PELI2: variants seen among roughly 807,000 people sequenced by gnomAD.
PELI2 encodes the protein pellino E3 ubiquitin protein ligase family member 2.
PELI2 carries 23 observed loss-of-function variants against 42.3 expected under a neutral mutation model. That is an observed-to-expected ratio of 0.54 (90% CI 0.39 to 0.77). PELI2 has a LOEUF of 0.77. Among genes scored for constraint, PELI2 ranks in the 30% least tolerant of loss-of-function variants. The pLI is 0.00. For synonymous variants in PELI2, 245 were observed against 212.2 expected (o/e 1.15, Z -1.34); for missense variants, 463 against 553.2 (o/e 0.84, Z 1.64).
chr14:56,192,314 G>A (rs747761432), intron 2 of PELI2, among the ~76,000 whole-genome samples: 3 of 152,078 alleles, frequency 2.0e-5, no homozygotes, highest in Admixed American at 6.5e-5. Context: ...AAGTCGAGTC[G>A]TGTTAAACTG....
At chr14:56,222,435 C>T (rs1887171670) in intron 2 of PELI2, among the ~76,000 whole-genome samples, 1 of 152,198 alleles carries the variant, frequency 6.6e-6, no homozygotes, top group African/African-American at 2.4e-5. Context: ...AAGGTAAGAA[C>T]ATTAACATCT....
chr14:56,155,581 CAT>C (rs1884530407), intron 1 of PELI2, among the ~76,000 whole-genome samples: 1 of 127,972 alleles, frequency 7.8e-6, no homozygotes, highest in Admixed American at 8.3e-5. Context: ...TCAAGTAATA[CAT>C]TTTTTTTTTT....
chr14:56,277,265 C>T (rs1237666246), intron 2 of PELI2, among the ~76,000 whole-genome samples: 1 of 152,136 alleles, frequency 6.6e-6, no homozygotes, highest in Non-Finnish European at 1.5e-5. Flanking sequence ...CCATTGCTTG[C>T]ATTACGGGTT....
intron 2 of PELI2, among the ~76,000 whole-genome samples, chr14:56,186,976 G>A (rs1885789668): frequency 6.6e-6 from 1 of 152,078 alleles, no homozygotes; most frequent in Non-Finnish European, 1.5e-5. Context: ...AGAATCTTCT[G>A]CTGCAAATTA....
chr14:56,243,010 A>G (rs536310998), intron 2 of PELI2, among the ~76,000 whole-genome samples: 1 of 152,302 alleles, frequency 6.6e-6, no homozygotes, highest in South Asian at 2.1e-4. Flanking sequence ...AGCTGAATAA[A>G]TGTATTTCTA....
intron 2 of PELI2, among the ~76,000 whole-genome samples, chr14:56,200,381 TG>T (rs1275589909): frequency 9.9e-6 from 1 of 101,290 alleles, no homozygotes; most frequent in African/African-American, 3.0e-5. Context: ...ATGAGGCATG[TG>T]AGGCACAGAG....
intron 2 of PELI2, among the ~76,000 whole-genome samples, chr14:56,257,086 G>T (rs1043627168): frequency 3.9e-5 from 6 of 152,110 alleles, no homozygotes; most frequent in African/African-American, 1.4e-4. Flanking sequence ...TATATAGTGG[G>T]CATCAAGGGC....
At chr14:56,282,589 CTAAA>C (rs753516482) in intron 3 of PELI2, among the ~76,000 whole-genome samples, 9 of 151,766 alleles carry the variant, frequency 5.9e-5, no homozygotes, top group South Asian at 2.1e-4. Context: ...TATTTAAAAA[CTAAA>C]TAATCTTAGA....
intron 2 of PELI2, among the ~76,000 whole-genome samples, chr14:56,217,782 C>G (rs748645316): frequency 6.6e-6 from 1 of 152,154 alleles, no homozygotes; most frequent in African/African-American, 2.4e-5. Context: ...CTTGGCCCAA[C>G]GTGCTGTCAC....
At chr14:56,165,734 G>A (rs1884932032) in intron 1 of PELI2, among the ~76,000 whole-genome samples, 1 of 152,044 alleles carries the variant, frequency 6.6e-6, no homozygotes, top group African/African-American at 2.4e-5. Context: ...ATCTAAAGGG[G>A]CTGAGTTGGC....
At chr14:56,126,399 A>G (rs1028327792) in intron 1 of PELI2, among the ~76,000 whole-genome samples, 6 of 152,232 alleles carry the variant, frequency 3.9e-5, no homozygotes, top group African/African-American at 1.2e-4. Flanking sequence ...CCATCCGCAT[A>G]ATGCTTCTCA....
At chr14:56,254,700 G>A (rs559977486) in intron 2 of PELI2, among the ~76,000 whole-genome samples, 4 of 152,278 alleles carry the variant, frequency 2.6e-5, no homozygotes, top group African/African-American at 9.6e-5. Flanking sequence ...AGAGTGAACA[G>A]GCAACCTACA....
intron 2 of PELI2, among the ~76,000 whole-genome samples, chr14:56,239,756 G>T (rs1368898837): frequency 7.2e-5 from 11 of 152,230 alleles, no homozygotes; most frequent in African/African-American, 2.4e-4. Flanking sequence ...CTGGTGATTT[G>T]GGAAGTCCTT....
chr14:56,200,729 C>T (rs527397317), intron 2 of PELI2, among the ~76,000 whole-genome samples: 4 of 152,314 alleles, frequency 2.6e-5, no homozygotes, highest in African/African-American at 9.6e-5. Context: ...ATTCCTGAAT[C>T]AGGTCTCTCC....
intron 2 of PELI2, among the ~76,000 whole-genome samples, chr14:56,191,469 G>T (rs578173839): frequency 1.3e-5 from 2 of 152,196 alleles, no homozygotes; most frequent in African/African-American, 4.8e-5. Context: ...CAGTGATACC[G>T]GGTGGAGTCC....
At chr14:56,242,996 T>C (rs1888029147) in intron 2 of PELI2, among the ~76,000 whole-genome samples, 1 of 152,220 alleles carries the variant, frequency 6.6e-6, no homozygotes, top group Non-Finnish European at 1.5e-5. Context: ...CCAAAAACTA[T>C]TGAAGCTGAA....
intron 2 of PELI2, among the ~76,000 whole-genome samples, chr14:56,231,278 T>C (rs1887560371): frequency 6.6e-6 from 1 of 152,040 alleles, no homozygotes; most frequent in Admixed American, 6.5e-5. Flanking sequence ...TCTACAGAAC[T>C]CTCCACCCCA....
Position 56,219,419 on chromosome 14 carries a change from G to C in PELI2, c.207+40955G>C, listed in dbSNP as rs189375494. 2.0e-5 allele frequency among the ~76,000 whole-genome samples: 3 copies of C among 152,194 alleles called. No individual in the cohort carries two copies. The East Asian group carries it at 5.8e-4, about 29-fold the overall frequency. ...GTCCTCCTTGATTTTCCTTGTTCAGGTTCCATCTTTTTAACATCCTTTCCT... is the reference window on the plus strand; with the variant it reads ...GTCCTCCTTGATTTTCCTTGTTCAGCTTCCATCTTTTTAACATCCTTTCCT... On this transcript the variant is annotated intron_variant, in intron 2 of 5. Transcript: ENST00000267460. This position sits in a 1 kb window ranked among gnomAD's most constrained non-coding sequence, Gnocchi z 4.1.
intron 2 of PELI2, among the ~76,000 whole-genome samples, chr14:56,261,953 A>G (rs1888728520): frequency 6.6e-6 from 1 of 152,228 alleles, no homozygotes; most frequent in Admixed American, 6.5e-5. Context: ...CCCATAAATA[A>G]GACTTGTCTG....
Sources: gnomAD v4.1 joint callset for allele counts (sites outside exome capture counted in the v4.1 genomes callset) on GRCh38, gnomAD v4.1.1 for gene constraint, Gnocchi (gnomAD v3.1) non-coding constraint, MANE v1.5 for transcripts, NCBI Gene and HGNC (gene_info 2026-07-23, HGNC 2026-07-21) for gene names.